RPS6KA5: variants seen among roughly 807,000 people sequenced by gnomAD.
RPS6KA5 encodes ribosomal protein S6 kinase alpha-5.
A neutral mutation model predicts 85.5 loss-of-function variants in RPS6KA5; 27 were observed. That is an observed-to-expected ratio of 0.32 (90% CI 0.23 to 0.44). The LOEUF (loss-of-function observed/expected upper bound fraction) is 0.44. Among genes scored for constraint, RPS6KA5 ranks in the 20% least tolerant of loss-of-function variants. The pLI, the probability that RPS6KA5 is intolerant of heterozygous loss-of-function variation, is 1.00. For missense variants in RPS6KA5, 811 were observed against 980.9 expected (o/e 0.83, Z 2.31); for synonymous variants, 334 against 348.2 (o/e 0.96, Z 0.46).
chr14:90,892,452 A>C (rs1037877016), intron 13 of RPS6KA5, among the ~76,000 whole-genome samples: 1 of 152,236 alleles, frequency 6.6e-6, no homozygotes, highest in Non-Finnish European at 1.5e-5. Context: ...AGTTAGAGAC[A>C]GTTCTACATG....
At chr14:90,973,566 C>T (rs2039421329) in intron 3 of RPS6KA5, among the ~76,000 whole-genome samples, 1 of 151,958 alleles carries the variant, frequency 6.6e-6, no homozygotes, top group East Asian at 1.9e-4. Flanking sequence ...CTGAAGCATC[C>T]TCATAAGAAA....
At chr14:90,998,775 G>A (rs1328578353) in intron 2 of RPS6KA5, among the ~76,000 whole-genome samples, 1 of 152,086 alleles carries the variant, frequency 6.6e-6, no homozygotes, top group African/African-American at 2.4e-5. Flanking sequence ...TAGTTGATGG[G>A]AATAAACTAT....
At chr14:91,058,234 G>C (rs1009340129) in intron 1 of RPS6KA5, among the ~76,000 whole-genome samples, 2 of 152,160 alleles carry the variant, frequency 1.3e-5, no homozygotes, top group Non-Finnish European at 2.9e-5. Context: ...CAAAATGATT[G>C]TTCGTTTCCT....
intron 1 of RPS6KA5, among the ~76,000 whole-genome samples, chr14:91,018,268 TTG>T (rs1445225028): frequency 3.9e-5 from 6 of 152,238 alleles, no homozygotes; most frequent in Non-Finnish European, 8.8e-5. Context: ...TAAAAAATAT[TTG>T]TGTCTATATA....
chr14:90,923,176 A>G lies in RPS6KA5; in HGVS notation c.639T>C (p.Phe213=), dbSNP rs1261414915. 2.5e-6 allele frequency: 4 copies of G among 1,612,742 alleles called. No individual in the cohort carries two copies. The highest frequency in any genetic ancestry group is 1.7e-5 in the Admixed American group (1 of 59,990). The change falls in exon 6 of 17, where the codon TTT becomes TTC. Residue 213 remains phenylalanine (F), a synonymous_variant. Coordinates refer to ENST00000614987, the MANE Select transcript of RPS6KA5 (RefSeq NM_004755.4). ...GTGCCATGTATTCAATAGTTCCACA[A>G]AAGGAATATGCTCTTTCAGTCTTGA... ...VADETERAYS[F]CGTIEYMAPD...
At chr14:90,894,365 A>C in intron 13 of RPS6KA5, 48 bp downstream of exon 13, 6 of 1,463,760 alleles carry the variant, frequency 4.1e-6, no homozygotes, top group Non-Finnish European at 4.6e-6. Context: ...GGAGATCTTT[A>C]ATAATGGTGC....
chr14:91,027,346 C>A (rs1226026905), intron 1 of RPS6KA5, among the ~76,000 whole-genome samples: 1 of 152,140 alleles, frequency 6.6e-6, no homozygotes, highest in African/African-American at 2.4e-5. Flanking sequence ...TATCCCAGCA[C>A]CATTTCTTGA....
intron 2 of RPS6KA5, among the ~76,000 whole-genome samples, chr14:90,996,859 T>C (rs1211341859): frequency 1.3e-5 from 2 of 152,210 alleles, no homozygotes; most frequent in African/African-American, 4.8e-5. Context: ...TACTCATCCA[T>C]TCATTCAAAA....
In RPS6KA5 at chr14:91,003,768, G is replaced by A. The variant is rs554811450; in HGVS notation, c.104-2609C>T. On this transcript the variant is annotated intron_variant, in intron 1 of 16. Coordinates refer to ENST00000614987, the MANE Select transcript of RPS6KA5 (RefSeq NM_004755.4). Reference sequence around the variant, plus strand: ...TCTTTCTCCCATACCTCAAGTCCTAGGTCTTAGGAAAACTCAAGAATGCTG... The same window carrying A: ...TCTTTCTCCCATACCTCAAGTCCTAAGTCTTAGGAAAACTCAAGAATGCTG... Among the ~76,000 whole-genome samples the A allele has an allele frequency of 1.6e-4, 25 of 152,286 alleles. No individual in the cohort carries two copies. The South Asian group carries it at 5.2e-3, about 32-fold the overall frequency.
intron 15 of RPS6KA5, 98 bp downstream of exon 15, chr14:90,875,103 T>A (rs1335004010): frequency 8.4e-7 from 1 of 1,185,600 alleles, no homozygotes; most frequent in East Asian, 2.4e-5. Flanking sequence ...ACACATGGAT[T>A]CCTCGAGTAA....
In RPS6KA5 at chr14:90,990,558, C is replaced by CA. The variant is rs35749473; in HGVS notation, c.175+10529dup. The stretch of plus-strand genomic sequence containing the variant: ...CACAAAGGAATATAAATCATTCTAC[C>CA]AAAAAGACATATGTACTCATATGTT... On this transcript the variant is annotated intron_variant, in intron 2 of 16. Transcript: ENST00000614987. Among the ~76,000 whole-genome samples the CA allele has an allele frequency of 2.0e-5, 3 of 152,062 alleles. No individual in the cohort carries two copies. The East Asian group carries it at 5.8e-4, about 29-fold the overall frequency.
intron 1 of RPS6KA5, among the ~76,000 whole-genome samples, chr14:91,007,803 C>A (rs1299926705): frequency 6.6e-6 from 1 of 151,612 alleles, no homozygotes; most frequent in Non-Finnish European, 1.5e-5. Flanking sequence ...GGAAAATTGT[C>A]TTTTCCTTCA....
intron 9 of RPS6KA5, among the ~76,000 whole-genome samples, chr14:90,901,383 G>A (rs2035161689): frequency 6.6e-6 from 1 of 152,158 alleles, no homozygotes; most frequent in South Asian, 2.1e-4. Context: ...CAGCCACAAA[G>A]TGGTCTTTAA....
At chr14:91,046,213 C>T (rs926323083) in intron 1 of RPS6KA5, among the ~76,000 whole-genome samples, 3 of 152,254 alleles carry the variant, frequency 2.0e-5, no homozygotes, top group East Asian at 1.9e-4. Context: ...GTCTAATATG[C>T]TCCCTACTAA....
chr14:90,881,322 A>C (rs2033822348), intron 14 of RPS6KA5, among the ~76,000 whole-genome samples: 1 of 151,110 alleles, frequency 6.6e-6, no homozygotes, highest in Non-Finnish European at 1.5e-5. Flanking sequence ...GTCATGGTAT[A>C]TGCGCCTGTA....
intron 2 of RPS6KA5, among the ~76,000 whole-genome samples, chr14:90,989,019 G>C (rs975674694): frequency 2.7e-5 from 4 of 150,868 alleles, no homozygotes; most frequent in South Asian, 4.2e-4. Context: ...TGCTAATAAA[G>C]TAAGTGACTA....
At chr14:90,998,590 A>G (rs911023107) in intron 2 of RPS6KA5, among the ~76,000 whole-genome samples, 2 of 152,236 alleles carry the variant, frequency 1.3e-5, no homozygotes, top group Admixed American at 6.5e-5. Context: ...AACAGGAAAC[A>G]AAGGTAGGAA....
intron 1 of RPS6KA5, among the ~76,000 whole-genome samples, chr14:91,052,833 C>CAAAA (rs200161761): frequency 8.3e-6 from 1 of 120,250 alleles, no homozygotes; most frequent in African/African-American, 3.2e-5. Context: ...ACTCCATCTC[C>CAAAA]AAAAAAAAAA....
intron 1 of RPS6KA5, among the ~76,000 whole-genome samples, chr14:91,039,159 G>C (rs1337559396): frequency 6.6e-6 from 1 of 152,092 alleles, no homozygotes; most frequent in East Asian, 1.9e-4. Context: ...ATCCCCTGAA[G>C]GTAAGAGTCT....
Sources: allele counts gnomAD v4.1 joint callset (sites outside exome capture counted in the v4.1 genomes callset), GRCh38; gene constraint gnomAD v4.1.1; transcripts MANE v1.5; gene names NCBI Gene and HGNC (gene_info 2026-07-23, HGNC 2026-07-21).